Variants in EXOC4 observed in about 807,000 individuals in gnomAD.
The protein encoded by EXOC4 is SEC8-like 1.
A neutral mutation model predicts 107.2 loss-of-function variants in EXOC4; 71 were observed. That is an observed-to-expected ratio of 0.66 (90% CI 0.55 to 0.81). The LOEUF (loss-of-function observed/expected upper bound fraction) is 0.81. EXOC4 is among the 30% of genes least tolerant of loss of function. The pLI is 0.00. For synonymous variants in EXOC4, 456 were observed against 441.2 expected, an observed-to-expected ratio of 1.03 and a Z score of -0.42; for missense variants, 1,108 against 1,189.6, an observed-to-expected ratio of 0.93 and a Z score of 1.01.
At chr7:133,277,635 T>TA (rs1326277004) in intron 2 of EXOC4, among the ~76,000 whole-genome samples, 1 of 152,240 alleles carries the variant, frequency 6.6e-6, no homozygotes, top group Non-Finnish European at 1.5e-5. Context: ...AACTTTATTA[T>TA]ATCTGATAAT....
At chr7:133,943,772 A>C (rs1461903766) in intron 14 of EXOC4, among the ~76,000 whole-genome samples, 1 of 151,878 alleles carries the variant, frequency 6.6e-6, no homozygotes, top group Non-Finnish European at 1.5e-5. Context: ...TCATTTAGTG[A>C]TTTTTAGAAA....
intron 10 of EXOC4, among the ~76,000 whole-genome samples, chr7:133,691,081 A>G (rs920649793): frequency 1.3e-5 from 2 of 152,198 alleles, no homozygotes; most frequent in African/African-American, 4.8e-5. Context: ...AGCTCAAAAT[A>G]ATCCTTGTGT....
intron 14 of EXOC4, among the ~76,000 whole-genome samples, chr7:133,945,621 G>T (rs551785153): frequency 2.6e-5 from 4 of 152,332 alleles, no homozygotes; most frequent in African/African-American, 9.6e-5. Context: ...ACAAAAGGCT[G>T]CAATTGCCAA....
chr7:134,004,491 T>G (rs1794598131), intron 15 of EXOC4, among the ~76,000 whole-genome samples: 1 of 152,190 alleles, frequency 6.6e-6, no homozygotes, highest in Admixed American at 6.5e-5. Context: ...ACTCGGCCTC[T>G]CATCTTCATT....
intron 10 of EXOC4, chr7:133,733,296 C>T (rs1383176063): frequency 1.3e-5 from 2 of 152,336 alleles, no homozygotes; most frequent in Non-Finnish European, 2.9e-5. Flanking sequence ...AGATCAAGAC[C>T]ATCCTGGCCA....
At chr7:133,329,754 G>A (rs1333311647) in intron 5 of EXOC4, among the ~76,000 whole-genome samples, 1 of 152,202 alleles carries the variant, frequency 6.6e-6, no homozygotes, top group Non-Finnish European at 1.5e-5. Flanking sequence ...ACCAGCAGAG[G>A]CTACAGAACA....
At chr7:133,869,221 T>C (rs114475841) in intron 11 of EXOC4, among the ~76,000 whole-genome samples, 1 of 151,932 alleles carries the variant, frequency 6.6e-6, no homozygotes, top group Non-Finnish European at 1.5e-5. Context: ...AGACTCAAAC[T>C]AGATCAACCA....
At chr7:133,592,822 C>T (rs776069621) in intron 9 of EXOC4, among the ~76,000 whole-genome samples, 1 of 152,134 alleles carries the variant, frequency 6.6e-6, no homozygotes, top group African/African-American at 2.4e-5. Context: ...AGGATGGTCT[C>T]GATCTCCTGA....
chr7:133,784,356 G>A (rs17167267), intron 10 of EXOC4, among the ~76,000 whole-genome samples: 17,332 of 152,048 alleles, frequency 0.11, 1,210 homozygotes, highest in African/African-American at 0.18. Flanking sequence ...TTATTCAGTA[G>A]GTATATTGAC....
intron 10 of EXOC4, among the ~76,000 whole-genome samples, chr7:133,747,619 G>A (rs555498566): frequency 4.6e-5 from 7 of 152,130 alleles, no homozygotes; most frequent in Non-Finnish European, 5.9e-5. Context: ...TTTGAAATGC[G>A]TGTACATTGA....
chr7:133,644,394 T>C (rs1437742617), intron 10 of EXOC4, among the ~76,000 whole-genome samples: 2 of 152,204 alleles, frequency 1.3e-5, no homozygotes, highest in Non-Finnish European at 2.9e-5. Flanking sequence ...AATTTTGTAG[T>C]TGAATGACTG....
intron 10 of EXOC4, among the ~76,000 whole-genome samples, chr7:133,676,692 TTCTC>T (rs1427668535): frequency 1.3e-5 from 2 of 152,174 alleles, no homozygotes; most frequent in Non-Finnish European, 2.9e-5. Context: ...AGGCATTCTT[TTCTC>T]TCTCTAATTA....
intron 11 of EXOC4, among the ~76,000 whole-genome samples, chr7:133,819,955 C>T (rs1252076442): frequency 6.6e-6 from 1 of 152,126 alleles, no homozygotes; most frequent in African/African-American, 2.4e-5. Context: ...CTCCCAACCT[C>T]ATCACCGCCA....
intron 7 of EXOC4, among the ~76,000 whole-genome samples, chr7:133,463,089 A>G (rs982060203): frequency 6.6e-6 from 1 of 152,176 alleles, no homozygotes; most frequent in Non-Finnish European, 1.5e-5. Context: ...AATAACCTGC[A>G]TGAAAGATAA....
At chr7:133,913,460 A>G (rs538443310) in intron 12 of EXOC4, among the ~76,000 whole-genome samples, 3 of 152,348 alleles carry the variant, frequency 2.0e-5, no homozygotes, top group East Asian at 1.9e-4. Flanking sequence ...GTGAAAAAAG[A>G]TGAGGGTTTA....
intron 17 of EXOC4, among the ~76,000 whole-genome samples, chr7:134,045,182 T>A (rs561078319): frequency 1.6e-3 from 241 of 152,348 alleles, no homozygotes; most frequent in Non-Finnish European, 2.5e-3. Context: ...CATTAGTGAA[T>A]CTTTGGCTGA....
In EXOC4 at chr7:133,335,229, T is replaced by G. The variant is rs140435665; in HGVS notation, c.763+17839T>G. ...TTAATGTTTTAAAAAACTCATAAAA[T>G]TTACTGTGTCAACCATTTCTAAGTA... On this transcript the variant is annotated intron_variant, in intron 5 of 17. Transcript: ENST00000253861. Among the ~76,000 whole-genome samples the G allele has an allele frequency of 6.6e-5, 10 of 152,314 alleles. No homozygotes were observed. The East Asian group carries it at 1.9e-3, about 29-fold the overall frequency.
At chr7:133,598,624 T>C (rs1002420736) in intron 9 of EXOC4, among the ~76,000 whole-genome samples, 1 of 152,206 alleles carries the variant, frequency 6.6e-6, no homozygotes, top group Non-Finnish European at 1.5e-5. Context: ...TTTTATAAAA[T>C]CTAAATACAG....
At chr7:133,537,567 T>C (rs933021453) in intron 9 of EXOC4, among the ~76,000 whole-genome samples, 1 of 152,212 alleles carries the variant, frequency 6.6e-6, no homozygotes, top group Non-Finnish European at 1.5e-5. Flanking sequence ...TTCATTTTCT[T>C]GCCGAGAGAA....
Sources: gnomAD v4.1 joint callset for allele counts (sites outside exome capture counted in the v4.1 genomes callset) on GRCh38, gnomAD v4.1.1 for gene constraint, MANE v1.5 for transcripts, NCBI Gene and HGNC (gene_info 2026-07-23, HGNC 2026-07-21) for gene names.